BPTF: variants seen among roughly 807,000 people sequenced by gnomAD.
BPTF encodes bromodomain PHD finger transcription factor, also known as nucleosome-remodeling factor subunit BPTF.
Under a neutral mutation model 292.5 loss-of-function variants are expected in BPTF, and 18 were observed. The ratio of observed to expected loss-of-function variants is 0.06; its 90% CI spans 0.04 to 0.09. The LOEUF is 0.09. BPTF is among the 10% of genes least tolerant of loss of function. The pLI is 1.00. For missense variants in BPTF, 2,726 were observed against 3,498.7 expected (o/e 0.78, Z 5.57); for synonymous variants, 1,225 against 1,251.9 (o/e 0.98, Z 0.45).
At position 67,945,792 on chromosome 17, in the gene BPTF, G is replaced by A; in HGVS notation, c.7084G>A (p.Gly2362Arg). The A allele has an allele frequency of 6.2e-7, 1 of 1,614,056 alleles. No individual in the cohort carries two copies. Among genetic ancestry groups the A allele is most frequent in the Non-Finnish European group, 8.5e-7 (1 of 1,180,012 alleles). The change falls in exon 21 of 28, where the codon GGA (glycine) becomes AGA (arginine). Residue 2362 changes from glycine to arginine, a missense_variant. Gly to Arg is a moderately radical substitution (Grantham distance 125). Coordinates refer to ENST00000306378, the MANE Select transcript of BPTF (RefSeq NM_182641.4). ...ATCAACTCCATCCCAACTGTCTCCT[G>A]GACAACAATCCCAGGTTCAGACTAC... Reference protein sequence around the residue: ...RPSTPSQLSPGQQSQVQTTTS... With the variant: ...RPSTPSQLSPRQQSQVQTTTS...
intron 1 of BPTF, among the ~76,000 whole-genome samples, chr17:67,837,508 A>G (rs2057226158): frequency 6.6e-6 from 1 of 152,020 alleles, no homozygotes; most frequent in Non-Finnish European, 1.5e-5. Flanking sequence ...CCTTGGTCCA[A>G]GCAGTTCCCC....
At chr17:67,893,291 T>G in intron 5 of BPTF, 79 bp from the exon 6 acceptor site, 2 of 877,114 alleles carry the variant, frequency 2.3e-6, no homozygotes, top group Non-Finnish European at 3.6e-6. Flanking sequence ...TAATTTTAAT[T>G]ATTGAAAGAC....
At position 67,917,131 on chromosome 17, in the gene BPTF, C is replaced by CTTTTTTTTT. The variant is rs943348736; in HGVS notation, c.5304-1572_5304-1564dup. Among the ~76,000 whole-genome samples the CTTTTTTTTT allele has an allele frequency of 1.1e-3, 117 of 105,778 alleles. 18 individuals are homozygous for CTTTTTTTTT. The East Asian group carries it at 0.016, about 14-fold the overall frequency. The allele number at this position is 105,778 out of a possible 152,430, so 69.4% of individuals were successfully genotyped here. ...GATAAGTAACTAATATGGTATTGTC[C>CTTTTTTTTT]TTTTTTTTTTTTTTTTTTTGAGATA... On this transcript the variant is annotated intron_variant, in intron 11 of 27. Transcript: ENST00000306378.
At chr17:67,965,382 T>C (rs1555686723) in intron 25 of BPTF, 1 of 149,796 alleles carries the variant, frequency 6.7e-6, no homozygotes, top group Non-Finnish European at 1.5e-5. Flanking sequence ...GTTTGCAGGA[T>C]TAGCAAGTGA....
intron 7 of BPTF, among the ~76,000 whole-genome samples, chr17:67,900,944 A>T (rs2061792474): frequency 6.6e-6 from 1 of 152,062 alleles, no homozygotes; most frequent in South Asian, 2.1e-4. Context: ...GCTTGAGCCC[A>T]GGAGTTTGAG....
chr17:67,904,475 C>A (rs1310193341), intron 8 of BPTF, among the ~76,000 whole-genome samples: 2 of 152,228 alleles, frequency 1.3e-5, no homozygotes, highest in Admixed American at 6.5e-5. Flanking sequence ...AATTGTGTTA[C>A]ATTTTACATG....
At chr17:67,829,899 A>G (rs560918343) in intron 1 of BPTF, among the ~76,000 whole-genome samples, 4 of 152,382 alleles carry the variant, frequency 2.6e-5, no homozygotes, top group African/African-American at 7.2e-5. Context: ...CAAAGACATT[A>G]GTTGACATTA....
At position 67,893,517 on chromosome 17, in the gene BPTF, G is replaced by A; in HGVS notation, c.2203G>A (p.Ala735Thr). ...YHNQYSTNSF[A>T]LNKHQHREDH... ...CAATCAATACTCCACCAATTCATTT[G>A]CTTTGAATAAGCACCAGCACAGAGA... The change falls in exon 6 of 28, where the codon GCT becomes ACT. Residue 735 changes from alanine (A) to threonine (T), a missense_variant. Physicochemically the swap from Ala to Thr is moderately conservative, Grantham distance 58. Around this residue, in one of 22 missense-constraint regions of BPTF, gnomAD observed 63 missense variants for 84.1 expected, o/e 0.75. Transcript: ENST00000306378. 6.2e-7 allele frequency: 1 copy of A among 1,614,120 alleles called. No homozygotes were observed. The highest frequency in any genetic ancestry group is 8.5e-7 in the Non-Finnish European group (1 of 1,180,002).
At chr17:67,924,991 C>T (rs2063752270) in intron 15 of BPTF, among the ~76,000 whole-genome samples, 1 of 151,304 alleles carries the variant, frequency 6.6e-6, no homozygotes. Flanking sequence ...TCAAGCGATC[C>T]ACCTGCCTCA....
intron 27 of BPTF, among the ~76,000 whole-genome samples, chr17:67,977,052 CTG>C (rs2069574007): frequency 6.6e-6 from 1 of 152,148 alleles, no homozygotes; most frequent in Admixed American, 6.6e-5. Flanking sequence ...GATTTTTCTG[CTG>C]TGACATTTAG....
intron 4 of BPTF, among the ~76,000 whole-genome samples, chr17:67,881,262 T>C (rs908808092): frequency 6.6e-6 from 1 of 152,000 alleles, no homozygotes; most frequent in Non-Finnish European, 1.5e-5. Flanking sequence ...ACTATCACTT[T>C]TAAAAGTTAA....
At chr17:67,888,734 A>G (rs1201513757) in intron 4 of BPTF, among the ~76,000 whole-genome samples, 1 of 152,070 alleles carries the variant, frequency 6.6e-6, no homozygotes. Flanking sequence ...ATAAAACTGG[A>G]TGCCATTGTT....
intron 5 of BPTF, 116 bp from the exon 6 acceptor site, chr17:67,893,254 G>C (rs1315843184): frequency 1.4e-6 from 1 of 713,752 alleles, no homozygotes; most frequent in Non-Finnish European, 2.4e-6. Flanking sequence ...TCTATCATAA[G>C]ATTTATCTTA....
rs188035042 is a variant in BPTF at position 67,907,498 on chromosome 17, A to T, written c.2813-2084A>T. Among the ~76,000 whole-genome samples the T allele has an allele frequency of 2.1e-3, 313 of 151,790 alleles. 1 individual carries two copies. The highest frequency in any genetic ancestry group is 7.1e-3 in the African/African-American group (296 of 41,402). ...AGCCTCCCAAATAGCTGGGATTACA[A>T]GTACCCGCCACCACGCCGAGCTAAT... On this transcript the variant is annotated intron_variant, in intron 9 of 27. Coordinates refer to ENST00000306378, the MANE Select transcript of BPTF (RefSeq NM_182641.4).
At position 67,945,518 on chromosome 17, in the gene BPTF, A is replaced by G. The variant is rs782056975; in HGVS notation, c.6810A>G (p.Pro2270=). 2 of 1,613,922 alleles carry G rather than the reference A, an allele frequency of 1.2e-6. No homozygotes were observed. The highest frequency in any genetic ancestry group is 2.7e-5 in the African/African-American group (2 of 74,904). ...SSSVGPAEAQ[P]QTAQPSAQPQ... ...GTGTGGGTCCAGCAGAAGCCCAGCC[A>G]CAGACTGCTCAGCCTTCAGCTCAGC... is the stretch of plus-strand genomic sequence containing the variant. Residue 2270 remains proline (P), a synonymous_variant, in exon 21 of 28, where the codon CCA becomes CCG. Transcript: ENST00000306378.
At position 67,964,414 on chromosome 17, in the gene BPTF, C is replaced by A; in HGVS notation, c.8454+10C>A. Reference sequence around the variant, plus strand: ...GCTCCGTTCCTTACAGGTGAGACCCCTCTGTGTGCAGCATTTCAAAATGAA... The same window carrying A: ...GCTCCGTTCCTTACAGGTGAGACCCATCTGTGTGCAGCATTTCAAAATGAA... On this transcript the variant is annotated intron_variant, in intron 25 of 27. Transcript: ENST00000306378. The A allele has an allele frequency of 6.3e-7, 1 of 1,594,046 alleles. No homozygotes were observed.
rs1044500520 is a variant in BPTF at position 67,881,363 on chromosome 17, A to G, written c.1864+6343A>G. Reference sequence around the variant, plus strand: ...TGCTGGTTAATTGATATTGTATCCCATCAAAAGGCTCATGGTATATGGTTT... The same window carrying G: ...TGCTGGTTAATTGATATTGTATCCCGTCAAAAGGCTCATGGTATATGGTTT... On this transcript the variant is annotated intron_variant, in intron 4 of 27. Coordinates refer to ENST00000306378, the MANE Select transcript of BPTF (RefSeq NM_182641.4). 2.6e-5 allele frequency among the ~76,000 whole-genome samples: 4 copies of G among 152,162 alleles called. No homozygotes were observed. The East Asian group carries it at 7.7e-4, about 29-fold the overall frequency.
chr17:67,952,163 A>T (rs1390171298), intron 23 of BPTF, among the ~76,000 whole-genome samples: 1 of 151,132 alleles, frequency 6.6e-6, no homozygotes, highest in African/African-American at 2.4e-5. Context: ...TCAAATATGT[A>T]TATGTACTGG....
At position 67,982,393 on chromosome 17, in the gene BPTF, T is replaced by C; in HGVS notation, c.*105T>C. On this transcript the variant is annotated 3_prime_UTR_variant, in exon 28 of 28. Coordinates refer to ENST00000306378, the MANE Select transcript of BPTF (RefSeq NM_182641.4). ...TTTAGTCAGGCTATCCTGACAAGAC[T>C]TGACCTAAACTTCGTTTTTATTGGT... is the stretch of plus-strand genomic sequence containing the variant. 9.0e-7 allele frequency: 1 copy of C among 1,113,134 alleles called. No individual in the cohort carries two copies. The highest frequency in any genetic ancestry group is 1.3e-6 in the Non-Finnish European group (1 of 759,986). The allele number at this position is 1,113,134 out of a possible 1,614,324, so 69.0% of individuals were successfully genotyped here.
Sources: gnomAD v4.1 joint callset for allele counts (sites outside exome capture counted in the v4.1 genomes callset) on GRCh38, gnomAD v4.1.1 for gene constraint, gnomAD v4.1.1 regional missense constraint, MANE v1.5 for transcripts, NCBI Gene and HGNC (gene_info 2026-07-23, HGNC 2026-07-21) for gene names.